Variants in TG observed in about 807,000 individuals in gnomAD.
TG encodes thyroglobulin, also known as thyroid hormones.
A neutral mutation model predicts 324.7 loss-of-function variants in TG; 270 were observed. The ratio of observed to expected loss-of-function variants is 0.83; its 90% confidence interval spans 0.75 to 0.92. TG has a LOEUF of 0.92. TG is among the 40% of genes least tolerant of loss of function. The pLI is 0.00. For missense variants in TG, 3,591 were observed against 3,456.4 expected (o/e 1.04, Z -0.98); for synonymous variants, 1,401 against 1,327.0 (o/e 1.06, Z -1.21).
Position 132,893,736 on chromosome 8 carries a change from T to C in TG, c.2808T>C (p.Ile936=). The stretch of plus-strand genomic sequence containing the variant: ...CAAAGCTCCGTGTACTGCAGTTCAT[T>C]AGGGAAACGGAAGAGATTGTTTCAG... ...EEAKLRVLQF[I]RETEEIVSAS... The change falls in exon 11 of 48, where the codon ATT becomes ATC. Residue 936 remains isoleucine, a synonymous_variant. Transcript: ENST00000220616. 3.7e-6 allele frequency: 6 copies of C among 1,613,908 alleles called. No homozygotes were observed. Among genetic ancestry groups the C allele is most frequent in the South Asian group, 1.1e-5 (1 of 91,072 alleles).
intron 2 of TG, 155 bp downstream of exon 2, chr8:132,868,378 T>A: frequency 1.4e-6 from 1 of 733,446 alleles, no homozygotes; most frequent in Non-Finnish European, 2.4e-6. Context: ...TCAGTTCCAC[T>A]GTCATTTGGA....
intron 14 of TG, among the ~76,000 whole-genome samples, chr8:132,899,365 T>C (rs1426361687): frequency 6.6e-6 from 1 of 152,208 alleles, no homozygotes; most frequent in Non-Finnish European, 1.5e-5. Flanking sequence ...AGTACTGATG[T>C]AGAGCTCCTA....
At chr8:132,919,809 C>A (rs1029823901) in intron 21 of TG, among the ~76,000 whole-genome samples, 1 of 152,154 alleles carries the variant, frequency 6.6e-6, no homozygotes. Flanking sequence ...CTATTGGGTA[C>A]ACAACATAAT....
chr8:132,949,180 C>A (rs1452108794), intron 27 of TG, among the ~76,000 whole-genome samples: 1 of 152,212 alleles, frequency 6.6e-6, no homozygotes, highest in Non-Finnish European at 1.5e-5. Context: ...GATGGCCCAG[C>A]AGGGCAAGTC....
chr8:132,959,551 T>A (rs1827455074), intron 27 of TG, among the ~76,000 whole-genome samples: 1 of 152,220 alleles, frequency 6.6e-6, no homozygotes, highest in Non-Finnish European at 1.5e-5. Flanking sequence ...GCGTCTAGGC[T>A]TATGTAAGTA....
rs371659816 is a variant in TG, at chr8:132,935,787, C to G, written c.4964C>G (p.Thr1655Ser). The change falls in exon 25 of 48, where the codon ACC becomes AGC. Residue 1655 changes from threonine (T) to serine (S), a missense_variant. Transcript: ENST00000220616. ...GATGCACTGGGGAACTCAAAGGCCA[C>G]CAGCTTTGGAAGTCTTCGCTGCCAG... The part of the protein sequence containing the change: ...KRDALGNSKA[T>S]SFGSLRCQVK... The G allele has an allele frequency of 6.2e-7, 1 of 1,613,040 alleles. No homozygotes were observed. Among genetic ancestry groups the G allele is most frequent in the Non-Finnish European group, 8.5e-7 (1 of 1,180,030 alleles).
At chr8:133,054,994 A>G (rs1352212015) in intron 41 of TG, among the ~76,000 whole-genome samples, 2 of 152,204 alleles carry the variant, frequency 1.3e-5, no homozygotes, top group Non-Finnish European at 2.9e-5. Flanking sequence ...GCCCTACAGA[A>G]AATACGTGAT....
chr8:133,024,312 TTCTTTC>T (rs1227423816), intron 40 of TG, among the ~76,000 whole-genome samples: 4 of 15,694 alleles, frequency 2.5e-4, no homozygotes, highest in Non-Finnish European at 5.5e-4. Context: ...GCCATTTTCT[TTCTTTC>T]TTTCTTTCTT....
chr8:133,055,357 G>GCACA (rs1186779364), intron 41 of TG, among the ~76,000 whole-genome samples: 2 of 59,896 alleles, frequency 3.3e-5, no homozygotes, highest in Admixed American at 1.6e-4. Context: ...ACACACACAC[G>GCACA]CACGCGCGCA....
chr8:132,894,941 G>A (rs1445618875), intron 11 of TG, among the ~76,000 whole-genome samples: 3 of 152,210 alleles, frequency 2.0e-5, no homozygotes, highest in South Asian at 4.1e-4. Flanking sequence ...ATTCACACAA[G>A]TGATAACCAG....
intron 43 of TG, among the ~76,000 whole-genome samples, chr8:133,104,211 G>A (rs543957379): frequency 8.5e-5 from 13 of 152,320 alleles, no homozygotes; most frequent in Admixed American, 6.5e-4. Context: ...AAGTCAGAGG[G>A]ATGAAGAAGA....
intron 41 of TG, among the ~76,000 whole-genome samples, chr8:133,061,086 A>G (rs1054491188): frequency 2.6e-5 from 4 of 152,184 alleles, no homozygotes; most frequent in Non-Finnish European, 5.9e-5. Context: ...ATCTCGGCTC[A>G]CTGCAACCCT....
intron 41 of TG, among the ~76,000 whole-genome samples, chr8:133,055,247 A>G (rs1751403124): frequency 6.6e-6 from 1 of 152,060 alleles, no homozygotes; most frequent in Non-Finnish European, 1.5e-5. Context: ...TGTACAGCCC[A>G]GGGATTGCAG....
At chr8:132,904,012 C>G (rs757524717) in intron 16 of TG, among the ~76,000 whole-genome samples, 4 of 152,228 alleles carry the variant, frequency 2.6e-5, no homozygotes, top group Non-Finnish European at 5.9e-5. Context: ...AGTTGCCTCT[C>G]TCTGCATCCA....
intron 35 of TG, chr8:133,001,794 GGCCTGAAAGACTTTTCCT>G: frequency 1.0e-6 from 1 of 985,404 alleles, no homozygotes; most frequent in Non-Finnish European, 1.2e-6. Context: ...GTTTGCTGGG[GGCCTGAAAGACTTTTCCT>G]GCCTGAAAGG....
At chr8:132,940,498 A>G (rs547822860) in intron 25 of TG, among the ~76,000 whole-genome samples, 7 of 152,362 alleles carry the variant, frequency 4.6e-5, no homozygotes, top group Non-Finnish European at 1.0e-4. Flanking sequence ...AAAAACATTA[A>G]CAATTCTACT....
In TG at chr8:133,043,167, G is replaced by A. The variant is rs116018290; in HGVS notation, c.7239+13144G>A. On this transcript the variant is annotated intron_variant, in intron 41 of 47. Transcript: ENST00000220616. The stretch of plus-strand genomic sequence containing the variant: ...GGTTCGATGACCAGGAACATACTGC[G>A]GGAAGGCGCCAGTGCTGCACTGGGG... Among the ~76,000 whole-genome samples, 1,286 of 152,184 alleles carry A rather than the reference G, an allele frequency of 8.5e-3. 21 individuals carry two copies. The highest frequency in any genetic ancestry group is 0.029 in the African/African-American group (1,200 of 41,504).
intron 16 of TG, 35 bp downstream of exon 16, chr8:132,901,588 T>C: frequency 6.3e-7 from 1 of 1,596,328 alleles, no homozygotes; most frequent in Non-Finnish European, 8.5e-7. Context: ...CGACGAGGCC[T>C]GCATATCTGT....
rs1848219160 is a variant in TG, at chr8:133,095,201, A to G, written c.7397A>G (p.Gln2466Arg). The change falls in exon 42 of 48, where the codon CAG becomes CGG. Residue 2466 changes from glutamine (Q) to arginine (R), a missense_variant. By Grantham distance (43) the Gln-to-Arg change is conservative (BLOSUM62 1). Coordinates refer to ENST00000220616, the MANE Select transcript of TG (RefSeq NM_003235.5). The stretch of plus-strand genomic sequence containing the variant: ...CCTGCCAATGTCCTCAATGATGCCC[A>G]GACCAAGGTGAGCACTTAAGTGCAA... ...QKPANVLNDA[Q>R]TKLLAVSGPF... The G allele has an allele frequency of 6.2e-6, 10 of 1,614,128 alleles. No individual in the cohort carries two copies. Among genetic ancestry groups the G allele is most frequent in the African/African-American group, 1.3e-5 (1 of 74,942 alleles).
Sources: gnomAD v4.1 joint callset for allele counts (sites outside exome capture counted in the v4.1 genomes callset) on GRCh38, gnomAD v4.1.1 for gene constraint, MANE v1.5 for transcripts, NCBI Gene and HGNC (gene_info 2026-07-23, HGNC 2026-07-21) for gene names.